Variants in PTGFRN observed in about 807,000 individuals in gnomAD.
The protein encoded by PTGFRN is prostaglandin F2 receptor negative regulator.
PTGFRN carries 35 observed loss-of-function variants against 83.2 expected under a neutral mutation model. The observed-to-expected ratio is 0.42, with a 90% CI of 0.32 to 0.56. PTGFRN has a LOEUF of 0.56. PTGFRN is among the 20% of genes least tolerant of loss of function. The probability of loss-of-function intolerance (pLI) is 0.11; values close to 1 mark genes in which losing one functional copy is unlikely to be tolerated. For synonymous variants in PTGFRN, 519 were observed against 498.6 expected (o/e 1.04, Z -0.55); for missense variants, 1,051 against 1,179.5 (o/e 0.89, Z 1.60).
At chr1:116,921,549 C>G (rs1188863273) in intron 1 of PTGFRN, among the ~76,000 whole-genome samples, 1 of 152,038 alleles carries the variant, frequency 6.6e-6, no homozygotes, top group Non-Finnish European at 1.5e-5. Flanking sequence ...AAAGTAAAAA[C>G]AGTTATGACC....
At chr1:116,921,104 AG>A (rs2101052219) in intron 1 of PTGFRN, among the ~76,000 whole-genome samples, 1 of 152,376 alleles carries the variant, frequency 6.6e-6, no homozygotes, top group South Asian at 2.1e-4. Flanking sequence ...GTGTTATAGA[AG>A]AAACTTATGT....
chr1:116,945,002 A>G lies in PTGFRN; in HGVS notation c.742A>G (p.Ile248Val), dbSNP rs549841982. Residue 248 changes from isoleucine to valine, a missense_variant, in exon 3 of 9, where the codon ATC becomes GTC. By Grantham distance (29) the Ile-to-Val change is conservative (BLOSUM62 3). Around this residue, in one of 3 missense-constraint regions of PTGFRN, gnomAD observed 719 missense variants for 836.6 expected, o/e 0.86. Coordinates refer to ENST00000393203, the MANE Select transcript of PTGFRN (RefSeq NM_020440.4). ...LSADQGSYRC[I>V]VSEWIAEQGN... Reference sequence around the variant, plus strand: ...TGCCGACCAGGGCTCCTACAGGTGTATCGTCAGCGAGTGGATCGCCGAGCA... The same window carrying G: ...TGCCGACCAGGGCTCCTACAGGTGTGTCGTCAGCGAGTGGATCGCCGAGCA... The G allele has an allele frequency of 4.3e-6, 7 of 1,613,882 alleles. No homozygotes were observed. Among genetic ancestry groups the G allele is most frequent in the East Asian group, 4.5e-5 (2 of 44,882 alleles).
rs143648118 is a variant in PTGFRN, at chr1:116,923,930, A to G, written c.49+13678A>G. 3.7e-3 allele frequency among the ~76,000 whole-genome samples: 566 copies of G among 152,228 alleles called. 3 individuals are homozygous for G. The highest frequency in any genetic ancestry group is 0.013 in the African/African-American group (538 of 41,538). ...TTGACTCCTCCAGCAACCAGTCTAA[A>G]TGTGGAGGATGACACACACACAGGA... is the stretch of plus-strand genomic sequence containing the variant. On this transcript the variant is annotated intron_variant, in intron 1 of 8. Transcript: ENST00000393203. The surrounding 1 kb of genome is among the most constrained non-coding windows in gnomAD (Gnocchi z 4.0).
chr1:116,961,562 C>A lies in PTGFRN; in HGVS notation c.1533C>A (p.Gly511=). ...RIQRTTEEDR[G]NYYCVVSAWT... ...AAAGGACTACAGAGGAAGACAGAGG[C>A]AATTATTACTGTGTTGTGTCTGCCT... The change falls in exon 5 of 9, where the codon GGC becomes GGA. Residue 511 remains glycine, a synonymous_variant. Transcript: ENST00000393203. The surrounding 1 kb of genome is among the most constrained non-coding windows in gnomAD (Gnocchi z 5.4). 1 of 1,614,124 alleles carries A rather than the reference C, an allele frequency of 6.2e-7. No individual in the cohort carries two copies. Among genetic ancestry groups the A allele is most frequent in the Non-Finnish European group, 8.5e-7 (1 of 1,180,024 alleles).
chr1:116,960,659 A>C (rs1260574435), intron 4 of PTGFRN, among the ~76,000 whole-genome samples: 1 of 152,220 alleles, frequency 6.6e-6, no homozygotes. Flanking sequence ...CAGATTCCGC[A>C]GAAAAAGTCA....
At chr1:116,985,326 G>A (rs1454459730) in intron 8 of PTGFRN, among the ~76,000 whole-genome samples, 10 of 152,160 alleles carry the variant, frequency 6.6e-5, no homozygotes, top group Middle Eastern at 3.2e-3. Flanking sequence ...GAGCAGCCTT[G>A]AGAGAGAGGG....
In PTGFRN at chr1:116,986,760, C is replaced by T. The variant is rs563075830; in HGVS notation, c.2474-41C>T. The T allele has an allele frequency of 6.9e-6, 11 of 1,602,352 alleles. No homozygotes were observed. In the East Asian group the frequency reaches 1.1e-4, roughly 16 times the overall value. The stretch of plus-strand genomic sequence containing the variant: ...AGGGTGCCCCCAAAGCGGCCTCCCT[C>T]GCAGCACTGACTGGCTTCCCCTTTG... On this transcript the variant is annotated intron_variant, in intron 8 of 8. Transcript: ENST00000393203.
rs780629891 is a variant in PTGFRN, at chr1:116,974,280, A to G, written c.2124A>G (p.Lys708=). 6.2e-7 allele frequency: 1 copy of G among 1,613,374 alleles called. No homozygotes were observed. The highest frequency in any genetic ancestry group is 1.1e-5 in the South Asian group (1 of 91,054). Residue 708 remains lysine, a synonymous_variant, in exon 7 of 9, where the codon AAA becomes AAG. Transcript: ENST00000393203. The part of the protein sequence containing the change: ...TPSVIRGDLI[K]LFCIITVEGA... ...CAGTAATTCGGGGAGATCTGATCAA[A>G]TTGTTCTGTATCATCACTGTCGAGG...
At chr1:116,921,987 C>G (rs1437792894) in intron 1 of PTGFRN, among the ~76,000 whole-genome samples, 1 of 152,026 alleles carries the variant, frequency 6.6e-6, no homozygotes, top group African/African-American at 2.4e-5. Context: ...GGTTGGTGTC[C>G]CATTTGGGGA....
At chr1:116,972,210 G>A (rs1273070165) in intron 6 of PTGFRN, among the ~76,000 whole-genome samples, 3 of 152,208 alleles carry the variant, frequency 2.0e-5, no homozygotes, top group Non-Finnish European at 4.4e-5. Flanking sequence ...TGAAGGGGAT[G>A]ATGTCCAGAA....
At chr1:116,935,026 G>A (rs2101059519) in intron 1 of PTGFRN, among the ~76,000 whole-genome samples, 1 of 152,268 alleles carries the variant, frequency 6.6e-6, no homozygotes, top group East Asian at 1.9e-4. Context: ...CCCGTATTGT[G>A]AAATGGTCAA....
At chr1:116,979,003 A>G (rs1423758527) in intron 7 of PTGFRN, among the ~76,000 whole-genome samples, 1 of 152,196 alleles carries the variant, frequency 6.6e-6, no homozygotes, top group East Asian at 1.9e-4. Context: ...TCTTAAGCTG[A>G]TAAGCAACTT....
At chr1:116,977,235 G>C (rs1651183272) in intron 7 of PTGFRN, among the ~76,000 whole-genome samples, 1 of 152,150 alleles carries the variant, frequency 6.6e-6, no homozygotes, top group African/African-American at 2.4e-5. Flanking sequence ...AGTCCTTAGA[G>C]ACCTACAAAC....
chr1:116,910,780 C>T (rs1304530794), intron 1 of PTGFRN, among the ~76,000 whole-genome samples: 3 of 152,158 alleles, frequency 2.0e-5, no homozygotes, highest in Non-Finnish European at 4.4e-5. Context: ...CAGGGTGGCC[C>T]GGAGCGTTAC....
At chr1:116,966,499 A>G (rs10923185) in intron 5 of PTGFRN, among the ~76,000 whole-genome samples, 22,499 of 152,204 alleles carry the variant, frequency 0.15, 1,997 homozygotes, top group Middle Eastern at 0.24. Flanking sequence ...AGGAGAGGCA[A>G]ATGGTATGGC....
At chr1:116,954,910 G>A (rs1175854399) in intron 4 of PTGFRN, among the ~76,000 whole-genome samples, 1 of 152,188 alleles carries the variant, frequency 6.6e-6, no homozygotes. Context: ...CTGGCATATG[G>A]AAAGCCCTTG....
intron 2 of PTGFRN, 57 bp from the exon 3 acceptor site, chr1:116,944,622 C>G: frequency 3.7e-6 from 5 of 1,344,990 alleles, no homozygotes; most frequent in Non-Finnish European, 4.8e-6. Flanking sequence ...GTGGGCTGGC[C>G]CTTGCCGGCT....
chr1:116,954,020 AT>A (rs543518255), intron 4 of PTGFRN, among the ~76,000 whole-genome samples: 1 of 150,348 alleles, frequency 6.7e-6, no homozygotes, highest in East Asian at 2.0e-4. Flanking sequence ...TGCCCGGCTA[AT>A]TTTTTTTTGT....
chr1:116,966,869 T>A, intron 5 of PTGFRN, 42 bp from the exon 6 acceptor site: 1 of 1,532,420 alleles, frequency 6.5e-7, no homozygotes, highest in Non-Finnish European at 8.8e-7. Flanking sequence ...TTATTTTAAC[T>A]GATCTTGTTG....
Sources: gnomAD v4.1 joint callset for allele counts (sites outside exome capture counted in the v4.1 genomes callset) on GRCh38, gnomAD v4.1.1 for gene constraint, gnomAD v4.1.1 regional missense constraint, Gnocchi (gnomAD v3.1) non-coding constraint, MANE v1.5 for transcripts, NCBI Gene and HGNC (gene_info 2026-07-23, HGNC 2026-07-21) for gene names.